TRAPPC13: variants seen among roughly 807,000 people sequenced by gnomAD.
The protein encoded by TRAPPC13 is trafficking protein particle complex subunit 13.
TRAPPC13 carries 39 observed loss-of-function variants against 54.0 expected under a neutral mutation model. The observed-to-expected ratio is 0.72, with a 90% CI of 0.56 to 0.94. The LOEUF is 0.94. Among genes scored for constraint, TRAPPC13 ranks in the 40% least tolerant of loss-of-function variants. The pLI, the probability that TRAPPC13 is intolerant of heterozygous loss-of-function variation, is 0.00. For synonymous variants in TRAPPC13, 148 were observed against 167.7 expected (o/e 0.88, Z 0.91); for missense variants, 386 against 488.1 (o/e 0.79, Z 1.97).
chr5:65,638,131 A>AC (rs1451834642), intron 4 of TRAPPC13, among the ~76,000 whole-genome samples: 26 of 149,408 alleles, frequency 1.7e-4, no homozygotes, highest in African/African-American at 6.3e-4. Context: ...TCAAAAAAAA[A>AC]AAAAAGAAAA....
At chr5:65,661,039 G>GC in intron 10 of TRAPPC13, 142 bp downstream of exon 10, 1 of 638,792 alleles carries the variant, frequency 1.6e-6, no homozygotes. Flanking sequence ...AAGATTAATA[G>GC]TGTCACTGAT....
At chr5:65,630,253 T>C in intron 1 of TRAPPC13, 1 of 1,535,752 alleles carries the variant, frequency 6.5e-7, no homozygotes, top group South Asian at 1.2e-5. Context: ...ATTGTGAATA[T>C]GTGGGAAGTC....
At position 65,636,197 on chromosome 5, in the gene TRAPPC13, A is replaced by G. The variant is rs375740790; in HGVS notation, c.215+154A>G. Reference sequence around the variant, plus strand: ...CTCGCTCTATTGCCCAGGCTGGAGTACAGTGGTGCCATTTGAGCTCAGTGC... The same window carrying G: ...CTCGCTCTATTGCCCAGGCTGGAGTGCAGTGGTGCCATTTGAGCTCAGTGC... On this transcript the variant is annotated intron_variant, in intron 3 of 12. Coordinates refer to ENST00000399438, the MANE Select transcript of TRAPPC13 (RefSeq NM_024941.4). Among the ~76,000 whole-genome samples the G allele has an allele frequency of 1.9e-3, 279 of 147,710 alleles. 5 individuals are homozygous for G. The Middle Eastern group carries it at 0.028, about 15-fold the overall frequency.
chr5:65,655,483 TTA>T (rs1236463832), intron 7 of TRAPPC13, among the ~76,000 whole-genome samples, 151 bp from the exon 8 acceptor site: 1 of 152,194 alleles, frequency 6.6e-6, no homozygotes, highest in Non-Finnish European at 1.5e-5. Context: ...TCATATTTCT[TTA>T]TGTTGCTTCC....
At chr5:65,627,837 G>A (rs778266979) in intron 1 of TRAPPC13, among the ~76,000 whole-genome samples, 2 of 152,160 alleles carry the variant, frequency 1.3e-5, no homozygotes, top group Non-Finnish European at 2.9e-5. Flanking sequence ...ATGAATTTGA[G>A]AGTTGTCAGA....
intron 1 of TRAPPC13, chr5:65,630,984 C>T (rs1214858647): frequency 6.6e-6 from 1 of 152,356 alleles, no homozygotes; most frequent in African/African-American, 2.4e-5. Context: ...GTAGGTTCCC[C>T]ATAAGCATAA....
chr5:65,642,624 A>G (rs2150674821), intron 4 of TRAPPC13, among the ~76,000 whole-genome samples: 1 of 151,868 alleles, frequency 6.6e-6, no homozygotes, highest in East Asian at 1.9e-4. Context: ...CCTCTGATTC[A>G]CTGCTTTTTA....
chr5:65,630,694 G>A (rs542893360), intron 1 of TRAPPC13: 108 of 992,322 alleles, frequency 1.1e-4, no homozygotes, highest in Admixed American at 1.7e-4. Flanking sequence ...AATAAAACTC[G>A]AAACAATTCT....
intron 8 of TRAPPC13, among the ~76,000 whole-genome samples, chr5:65,656,517 A>T (rs1465791348): frequency 1.3e-5 from 2 of 152,198 alleles, no homozygotes; most frequent in Admixed American, 6.5e-5. Context: ...CATGTCCCAA[A>T]AACTAAAGAA....
At chr5:65,633,576 A>C (rs1036570394) in intron 1 of TRAPPC13, among the ~76,000 whole-genome samples, 3 of 152,138 alleles carry the variant, frequency 2.0e-5, no homozygotes, top group Non-Finnish European at 4.4e-5. Flanking sequence ...CCAGATTTGA[A>C]GGAATACTTT....
intron 5 of TRAPPC13, among the ~76,000 whole-genome samples, chr5:65,647,423 A>T (rs187453330): frequency 1.9e-4 from 29 of 152,294 alleles, no homozygotes; most frequent in African/African-American, 6.7e-4. Context: ...ATCTCTAAAA[A>T]ATGAAAAGCT....
intron 6 of TRAPPC13, 24 bp downstream of exon 6, chr5:65,650,906 T>G (rs1756405421): frequency 2.0e-6 from 3 of 1,520,570 alleles, no homozygotes; most frequent in Non-Finnish European, 2.7e-6. Context: ...CAATGGTAAA[T>G]AGTTTTTATA....
At position 65,647,168 on chromosome 5, in the gene TRAPPC13, A is replaced by T; in HGVS notation, c.414A>T (p.Glu138Asp). Residue 138 changes from glutamate (E) to aspartate (D), a missense_variant, in exon 5 of 13, where the codon GAA becomes GAT. Coordinates refer to ENST00000399438, the MANE Select transcript of TRAPPC13 (RefSeq NM_024941.4). ...IDDVIHHEVK[E>D]IGTHILVCAV... ...ATGTCATACATCATGAAGTCAAAGA[A>T]ATTGGAACACACATGTAAGGATTAA... 6.3e-7 allele frequency: 1 copy of T among 1,585,960 alleles called. No individual in the cohort carries two copies. The highest frequency in any genetic ancestry group is 8.6e-7 in the Non-Finnish European group (1 of 1,164,992).
At chr5:65,637,840 C>A in intron 4 of TRAPPC13, 60 bp downstream of exon 4, 1 of 964,714 alleles carries the variant, frequency 1.0e-6, no homozygotes, top group Non-Finnish European at 1.5e-6. Flanking sequence ...TTTTTTAGGC[C>A]GGGCATGGTG....
intron 6 of TRAPPC13, 123 bp downstream of exon 6, chr5:65,651,005 G>T (rs769245098): frequency 5.7e-6 from 4 of 698,862 alleles, no homozygotes; most frequent in Non-Finnish European, 9.9e-6. Flanking sequence ...CAATATTTTT[G>T]AATGTGTCAT....
At chr5:65,630,281 G>T in intron 1 of TRAPPC13, 1 of 1,533,016 alleles carries the variant, frequency 6.5e-7, no homozygotes, top group Admixed American at 2.0e-5. Flanking sequence ...AGGAAGATTA[G>T]CTCTTACTGG....
intron 4 of TRAPPC13, among the ~76,000 whole-genome samples, chr5:65,641,837 T>C (rs1755978029): frequency 6.6e-6 from 1 of 151,810 alleles, no homozygotes. Flanking sequence ...TTCTTTTCTT[T>C]TTTAAAATGG....
chr5:65,664,691 A>G lies in TRAPPC13; in HGVS notation c.*80A>G, dbSNP rs1756976054. The G allele has an allele frequency of 2.1e-6, 2 of 970,324 alleles. No homozygotes were observed. The highest frequency in any genetic ancestry group is 5.1e-5 in the East Asian group (2 of 39,540). 60.1% of individuals were successfully genotyped at this position (970,324 alleles called of 1,614,324 possible). On this transcript the variant is annotated 3_prime_UTR_variant, in exon 13 of 13. Coordinates refer to ENST00000399438, the MANE Select transcript of TRAPPC13 (RefSeq NM_024941.4). ...TTACCTTTGTAAAATGATGACGTCA[A>G]CAACGAAGTAAATATGTTACTTAAA... is the stretch of plus-strand genomic sequence containing the variant.
chr5:65,633,977 G>GTTTTTTTT (rs67982454), intron 1 of TRAPPC13, among the ~76,000 whole-genome samples: 1 of 60,450 alleles, frequency 1.7e-5, no homozygotes, highest in Non-Finnish European at 2.8e-5. Flanking sequence ...CTCTCCCAGC[G>GTTTTTTTT]TTTTTTTTTT....
Sources: gnomAD v4.1 joint callset for allele counts (sites outside exome capture counted in the v4.1 genomes callset) on GRCh38, gnomAD v4.1.1 for gene constraint, MANE v1.5 for transcripts, NCBI Gene and HGNC (gene_info 2026-07-23, HGNC 2026-07-21) for gene names.